The following GARNL3 variants were observed in gnomAD, a reference collection of about 807,000 sequenced individuals.
GARNL3 encodes the protein GTPase-activating Rap/Ran-GAP domain-like protein 3.
Under a neutral mutation model 125.0 loss-of-function variants are expected in GARNL3, and 63 were observed. The observed-to-expected ratio is 0.50, with a 90% CI of 0.41 to 0.62. GARNL3 has a LOEUF of 0.62. GARNL3 is among the 20% of genes least tolerant of loss of function. GARNL3 has a pLI of 0.00. For synonymous variants in GARNL3, 439 were observed against 457.5 expected (o/e 0.96, Z 0.52); for missense variants, 994 against 1,244.0 (o/e 0.80, Z 3.02).
chr9:127,264,561 A>C (rs2063661081), upstream of GARNL3: 1 of 1,038,366 alleles, frequency 9.6e-7, no homozygotes, highest in African/African-American at 1.7e-5. Flanking sequence ...AATGAAAGAT[A>C]ATTGCAAGAT....
At chr9:127,294,547 C>T (rs1477099641) in intron 2 of GARNL3, among the ~76,000 whole-genome samples, 1 of 152,186 alleles carries the variant, frequency 6.6e-6, no homozygotes. Context: ...CATGATCTGC[C>T]AGCCTTGGCC....
At chr9:127,322,302 G>A (rs576157825) in intron 6 of GARNL3, among the ~76,000 whole-genome samples, 6 of 152,016 alleles carry the variant, frequency 3.9e-5, no homozygotes, top group African/African-American at 1.2e-4. Context: ...CACAGAGCCA[G>A]AGCTCTGTGA....
chr9:127,328,035 A>G (rs2065627911), intron 7 of GARNL3, among the ~76,000 whole-genome samples: 1 of 152,158 alleles, frequency 6.6e-6, no homozygotes, highest in South Asian at 2.1e-4. Context: ...CAAACAATAG[A>G]GAGAATGCAC....
At chr9:127,329,699 A>C (rs1174985240) in intron 7 of GARNL3, among the ~76,000 whole-genome samples, 3 of 152,062 alleles carry the variant, frequency 2.0e-5, no homozygotes, top group Non-Finnish European at 4.4e-5. Context: ...TTTTCAGAGA[A>C]GATTATGCCA....
At chr9:127,347,083 A>G (rs16929793) in intron 16 of GARNL3, among the ~76,000 whole-genome samples, 35,189 of 152,060 alleles carry the variant, frequency 0.23, 4,988 homozygotes, top group Middle Eastern at 0.39. Flanking sequence ...TCACATGGTC[A>G]CTGGCACCCG....
Position 127,385,030 on chromosome 9 carries a change from G to A in GARNL3, c.2273G>A (p.Cys758Tyr). The A allele has an allele frequency of 6.2e-7, 1 of 1,605,624 alleles. No individual in the cohort carries two copies. The highest frequency in any genetic ancestry group is 8.5e-7 in the Non-Finnish European group (1 of 1,174,514). ...TGACACTCCCGTTCCCTTGCAGTCT[G>A]TGCTTTCCCGTATCTCCTGGCCTTC... ...CWNQAPYAIV[C>Y]AFPYLLAFTT... Residue 758 changes from cysteine to tyrosine, a missense_variant, in exon 24 of 28, where the codon TGT (cysteine) becomes TAT (tyrosine). Cys to Tyr is a radical substitution (Grantham distance 194, BLOSUM62 -2). Transcript: ENST00000373387. This position sits in a 1 kb window ranked among gnomAD's most constrained non-coding sequence, Gnocchi z 4.1.
At chr9:127,360,623 G>A (rs1830944807) in intron 21 of GARNL3, among the ~76,000 whole-genome samples, 1 of 152,218 alleles carries the variant, frequency 6.6e-6, no homozygotes, top group African/African-American at 2.4e-5. Flanking sequence ...AGATGTTCCT[G>A]CAGCTCAGCA....
chr9:127,263,834 T>G (rs576891561), upstream of GARNL3: 79 of 1,316,044 alleles, frequency 6.0e-5, no homozygotes, highest in South Asian at 1.6e-3. Flanking sequence ...CATTAGACTC[T>G]CTAATCTCAT....
chr9:127,358,615 A>G (rs1268557492), intron 21 of GARNL3, among the ~76,000 whole-genome samples: 1 of 152,256 alleles, frequency 6.6e-6, no homozygotes, highest in Admixed American at 6.5e-5. Context: ...AATAAGAAAT[A>G]GAAAACTGTA....
At chr9:127,388,094 C>T (rs773448233) in intron 25 of GARNL3, among the ~76,000 whole-genome samples, 7 of 152,028 alleles carry the variant, frequency 4.6e-5, no homozygotes, top group East Asian at 1.9e-4. Flanking sequence ...TGCATTGAGC[C>T]GGGATTGCAC....
intron 2 of GARNL3, among the ~76,000 whole-genome samples, chr9:127,246,441 G>A (rs1229571531): frequency 6.6e-6 from 1 of 152,142 alleles, no homozygotes; most frequent in Non-Finnish European, 1.5e-5. Flanking sequence ...AGTTGGTGTT[G>A]TCATTAATAA....
intron 1 of GARNL3, among the ~76,000 whole-genome samples, chr9:127,279,502 A>G (rs963012362): frequency 6.6e-6 from 1 of 152,166 alleles, no homozygotes; most frequent in African/African-American, 2.4e-5. Context: ...TTAGTTCCCT[A>G]AAATTAACAT....
chr9:127,236,104 C>T (rs1272403185), intron 1 of GARNL3, among the ~76,000 whole-genome samples: 2 of 152,172 alleles, frequency 1.3e-5, no homozygotes, highest in East Asian at 3.8e-4. Flanking sequence ...ATTAGGCTCA[C>T]TCGGCATATG....
rs761820169 is a variant in GARNL3 at position 127,357,248 on chromosome 9, G to A, written c.1965G>A (p.Val655=). 13 of 1,614,104 alleles carry A rather than the reference G, an allele frequency of 8.1e-6. No homozygotes were observed. Among genetic ancestry groups the A allele is most frequent in the Admixed American group, 1.7e-5 (1 of 60,014 alleles). ...REICLSDSPM[V]MTLVDGPAEE... ...TCTGTCTGTCTGACTCTCCCATGGTGATGACCTTAGTGGATGGGCCAGCTG... is the reference window on the plus strand; with the variant it reads ...TCTGTCTGTCTGACTCTCCCATGGTAATGACCTTAGTGGATGGGCCAGCTG... The change falls in exon 21 of 28, where the codon GTG becomes GTA. Residue 655 remains valine, a synonymous_variant. Coordinates refer to ENST00000373387, the MANE Select transcript of GARNL3 (RefSeq NM_032293.5).
upstream of GARNL3, chr9:127,264,621 T>C (rs1359804139): frequency 9.0e-6 from 10 of 1,115,336 alleles, no homozygotes; most frequent in Non-Finnish European, 9.8e-6. Flanking sequence ...AGGGCTTCTC[T>C]CCTCTCTGGT....
intron 4 of GARNL3, among the ~76,000 whole-genome samples, chr9:127,317,147 A>T (rs2065263111): frequency 6.6e-6 from 1 of 152,230 alleles, no homozygotes; most frequent in African/African-American, 2.4e-5. Flanking sequence ...TGTGGACGGG[A>T]GACTGAATCA....
intron 1 of GARNL3, among the ~76,000 whole-genome samples, chr9:127,240,119 T>G (rs2063178202): frequency 6.6e-6 from 1 of 152,134 alleles, no homozygotes; most frequent in South Asian, 2.1e-4. Flanking sequence ...CACAGAACAT[T>G]GTATAGTCCA....
chr9:127,324,873 A>G (rs1368668524), intron 6 of GARNL3, among the ~76,000 whole-genome samples, 196 bp from the exon 7 acceptor site: 1 of 152,200 alleles, frequency 6.6e-6, no homozygotes, highest in African/African-American at 2.4e-5. Flanking sequence ...CTTATAGGGG[A>G]AAAAGATCCA....
At chr9:127,359,569 C>G (rs1274034283) in intron 21 of GARNL3, among the ~76,000 whole-genome samples, 1 of 152,184 alleles carries the variant, frequency 6.6e-6, no homozygotes, top group Non-Finnish European at 1.5e-5. Context: ...TGCCATGGTG[C>G]AGCAGGTCCT....
Sources: allele counts gnomAD v4.1 joint callset (sites outside exome capture counted in the v4.1 genomes callset), GRCh38; gene constraint gnomAD v4.1.1; non-coding constraint Gnocchi (gnomAD v3.1); transcripts MANE v1.5; gene names NCBI Gene and HGNC (gene_info 2026-07-23, HGNC 2026-07-21).